ANO3: variants seen among roughly 807,000 people sequenced by gnomAD.
ANO3 encodes the protein anoctamin 3, also known as anoctamin-3.
ANO3 carries 99 observed loss-of-function variants against 144.8 expected under a neutral mutation model. The ratio of observed to expected loss-of-function variants is 0.68; its 90% CI spans 0.58 to 0.81. ANO3 has a LOEUF of 0.81. Among genes scored for constraint, ANO3 ranks in the 30% least tolerant of loss-of-function variants. The pLI, the probability that ANO3 is intolerant of heterozygous loss-of-function variation, is 0.00. For synonymous variants in ANO3, 414 were observed against 392.6 expected (o/e 1.05, Z -0.64); for missense variants, 905 against 1,202.2 (o/e 0.75, Z 3.66).
chr11:26,529,874 A>G (rs1849320366), intron 7 of ANO3, among the ~76,000 whole-genome samples: 2 of 152,160 alleles, frequency 1.3e-5, no homozygotes, highest in African/African-American at 4.8e-5. Context: ...AATGTAATCT[A>G]AAGCTGGAGC....
At chr11:26,630,959 GTAGATATT>G (rs1172600979) in intron 18 of ANO3, among the ~76,000 whole-genome samples, 2 of 143,564 alleles carry the variant, frequency 1.4e-5, no homozygotes, top group Non-Finnish European at 3.0e-5. Flanking sequence ...TCATTCTGAG[GTAGATATT>G]TACATTTTCT....
At chr11:26,477,528 G>C (rs187129140) in intron 4 of ANO3, among the ~76,000 whole-genome samples, 1 of 151,896 alleles carries the variant, frequency 6.6e-6, no homozygotes, top group Non-Finnish European at 1.5e-5. Context: ...TTGCACCTCC[G>C]CCCCCTCATA....
intron 17 of ANO3, among the ~76,000 whole-genome samples, chr11:26,610,536 C>A (rs10835018): frequency 0.28 from 42,200 of 151,772 alleles, 6,367 homozygotes; most frequent in South Asian, 0.46. Flanking sequence ...GATGTGGTCT[C>A]ATTTGTCTAT....
chr11:26,360,765 A>C (rs1335399247), intron 1 of ANO3, among the ~76,000 whole-genome samples: 2 of 152,168 alleles, frequency 1.3e-5, no homozygotes, highest in Non-Finnish European at 2.9e-5. Context: ...TATGTGTTCT[A>C]AAAGTTTATT....
intron 1 of ANO3, among the ~76,000 whole-genome samples, chr11:26,403,524 C>G (rs1857202317): frequency 6.6e-6 from 1 of 151,862 alleles, no homozygotes; most frequent in Non-Finnish European, 1.5e-5. Context: ...ATTAGTTCAC[C>G]TCTGATTTCC....
At chr11:26,365,063 C>G (rs1321452835) in intron 1 of ANO3, among the ~76,000 whole-genome samples, 1 of 152,196 alleles carries the variant, frequency 6.6e-6, no homozygotes, top group Non-Finnish European at 1.5e-5. Flanking sequence ...CATTGGTAAA[C>G]ATACCCATTC....
intron 14 of ANO3, among the ~76,000 whole-genome samples, chr11:26,579,393 TG>T (rs1284221887): frequency 1.3e-5 from 2 of 152,232 alleles, no homozygotes; most frequent in Admixed American, 1.3e-4. Context: ...ATTTGTTCCT[TG>T]GCTCAAAAGT....
chr11:26,617,365 G>A (rs954604959), intron 17 of ANO3, among the ~76,000 whole-genome samples: 7 of 152,134 alleles, frequency 4.6e-5, no homozygotes, highest in Non-Finnish European at 8.8e-5. Flanking sequence ...CAAAGCACTT[G>A]CATTTTACAG....
chr11:26,211,973 C>T (rs939987409), intron 1 of ANO3, among the ~76,000 whole-genome samples: 35 of 152,094 alleles, frequency 2.3e-4, no homozygotes, highest in Admixed American at 2.0e-3. Flanking sequence ...AAACCAAACA[C>T]TGCATGTTCT....
intron 3 of ANO3, among the ~76,000 whole-genome samples, chr11:26,461,742 C>T (rs1242699377): frequency 6.6e-6 from 1 of 152,006 alleles, no homozygotes; most frequent in East Asian, 1.9e-4. Context: ...TTAGATGTAC[C>T]TCTTACTAGT....
chr11:26,540,020 C>T (rs1400896090), intron 10 of ANO3, among the ~76,000 whole-genome samples: 1 of 152,068 alleles, frequency 6.6e-6, no homozygotes, highest in Non-Finnish European at 1.5e-5. Context: ...ATAGTCACCG[C>T]ATATATTGTC....
chr11:26,293,417 A>G (rs930913622), intron 1 of ANO3, among the ~76,000 whole-genome samples: 3 of 150,814 alleles, frequency 2.0e-5, no homozygotes, highest in African/African-American at 7.3e-5. Context: ...CTCAATTGTT[A>G]TTTCCAGTAA....
chr11:26,219,591 G>C (rs905323739), intron 1 of ANO3, among the ~76,000 whole-genome samples: 1 of 152,108 alleles, frequency 6.6e-6, no homozygotes, highest in African/African-American at 2.4e-5. Flanking sequence ...ATGCAAAAGA[G>C]AGCACCTCAT....
chr11:26,596,771 G>A (rs1393118868), intron 14 of ANO3, among the ~76,000 whole-genome samples: 1 of 152,216 alleles, frequency 6.6e-6, no homozygotes, highest in African/African-American at 2.4e-5. Flanking sequence ...TGGGTCAGAA[G>A]GAGAGGTAGG....
chr11:26,420,241 G>C (rs759661998), intron 1 of ANO3, among the ~76,000 whole-genome samples: 32 of 152,046 alleles, frequency 2.1e-4, no homozygotes, highest in Non-Finnish European at 3.8e-4. Context: ...ACATCTTAGA[G>C]TACTTACAGT....
At chr11:26,283,024 G>GA (rs1052603389) in intron 1 of ANO3, among the ~76,000 whole-genome samples, 1 of 151,382 alleles carries the variant, frequency 6.6e-6, no homozygotes, top group Non-Finnish European at 1.5e-5. Context: ...ATTTTCTACA[G>GA]AAAAAAATTG....
chr11:26,230,893 T>A (rs868303439), intron 1 of ANO3, among the ~76,000 whole-genome samples: 1,977 of 150,120 alleles, frequency 0.013, 48 homozygotes, highest in East Asian at 0.1. Context: ...TTTTCTTTTT[T>A]TTTTTTTTTC....
Position 26,248,353 on chromosome 11 carries a change from A to T in ANO3, c.154+59023A>T, listed in dbSNP as rs186129694. On this transcript the variant is annotated intron_variant, in intron 1 of 27. Transcript: ENST00000672621. The stretch of plus-strand genomic sequence containing the variant: ...GCTCTGTCTCAAAATAAAAAGAAAT[A>T]AAAAAAGAAAGAAAGAAAAAGGAAG... Among the ~76,000 whole-genome samples the T allele has an allele frequency of 7.8e-3, 1,183 of 151,864 alleles. 16 individuals carry two copies. The highest frequency in any genetic ancestry group is 0.027 in the African/African-American group (1,111 of 41,246).
intron 1 of ANO3, among the ~76,000 whole-genome samples, chr11:26,325,022 T>C (rs1399978673): frequency 6.6e-6 from 1 of 152,174 alleles, no homozygotes; most frequent in African/African-American, 2.4e-5. Context: ...AACTGGAAAA[T>C]GCAGTCACTA....
Sources: gnomAD v4.1 joint callset for allele counts (sites outside exome capture counted in the v4.1 genomes callset) on GRCh38, gnomAD v4.1.1 for gene constraint, MANE v1.5 for transcripts, NCBI Gene and HGNC (gene_info 2026-07-23, HGNC 2026-07-21) for gene names.